The following RNF2 variants were observed in gnomAD, a reference collection of about 807,000 sequenced individuals.
The protein encoded by RNF2 is ring finger protein 2.
In RNF2, 6 loss-of-function variants were observed where a neutral mutation model predicts 37.2. That is an observed-to-expected ratio of 0.16 (90% CI 0.09 to 0.32). The LOEUF (loss-of-function observed/expected upper bound fraction) is 0.32, where lower values mean the gene tolerates loss of function less well. RNF2 is among the 10% of genes least tolerant of loss of function. The pLI is 1.00. For synonymous variants in RNF2, 133 were observed against 132.7 expected, an observed-to-expected ratio of 1.00 and a Z score of -0.02; for missense variants, 251 against 404.0, an observed-to-expected ratio of 0.62 and a Z score of 3.25.
At chr1:185,076,226 CT>C (rs1419024766) in intron 1 of RNF2, among the ~76,000 whole-genome samples, 4 of 105,078 alleles carry the variant, frequency 3.8e-5, no homozygotes. Flanking sequence ...TTGTATCTTG[CT>C]TTTAGGCTGC....
intron 1 of RNF2, among the ~76,000 whole-genome samples, chr1:185,072,599 A>C (rs1571308054): frequency 6.6e-6 from 1 of 152,000 alleles, no homozygotes; most frequent in Non-Finnish European, 1.5e-5. Flanking sequence ...TAGTGGAAGG[A>C]CTCTAAAATG....
intron 1 of RNF2, among the ~76,000 whole-genome samples, chr1:185,058,984 A>G (rs1368341474): frequency 2.0e-5 from 3 of 152,196 alleles, no homozygotes; most frequent in Admixed American, 2.0e-4. Flanking sequence ...TAGATTTATC[A>G]GAGCTATAAA....
chr1:185,090,200 G>A (rs1651728707), intron 2 of RNF2, among the ~76,000 whole-genome samples: 1 of 152,146 alleles, frequency 6.6e-6, no homozygotes, highest in Non-Finnish European at 1.5e-5. Flanking sequence ...AATTACAGGT[G>A]TGAGCCATCG....
At chr1:185,049,670 TAAA>T (rs200612317) in intron 1 of RNF2, among the ~76,000 whole-genome samples, 2 of 124,236 alleles carry the variant, frequency 1.6e-5, no homozygotes. Flanking sequence ...TAGATGAGTG[TAAA>T]AAAAAAAAAG....
chr1:185,096,595 A>G (rs958838737), intron 4 of RNF2, among the ~76,000 whole-genome samples: 1 of 149,782 alleles, frequency 6.7e-6, no homozygotes, highest in African/African-American at 2.5e-5. Flanking sequence ...ACTGTTATTT[A>G]TTTCTCTTTT....
chr1:185,098,000 A>G, intron 4 of RNF2, 72 bp from the exon 5 acceptor site: 1 of 1,530,254 alleles, frequency 6.5e-7, no homozygotes, highest in Non-Finnish European at 8.8e-7. Context: ...TTCAGTAGCA[A>G]ACATGCTTCA....
intron 1 of RNF2, among the ~76,000 whole-genome samples, chr1:185,065,821 C>G (rs1287411377): frequency 6.6e-6 from 1 of 152,216 alleles, no homozygotes; most frequent in Non-Finnish European, 1.5e-5. Context: ...TACAAAGATA[C>G]TGTTTTACTT....
rs755284460 is a variant in RNF2, at chr1:185,101,537, G to GT, written c.*1237dup. 43 of 152,396 alleles carry GT rather than the reference G, an allele frequency of 2.8e-4. No individual in the cohort carries two copies. The highest frequency in any genetic ancestry group is 1.3e-4 in the Admixed American group (2 of 15,254). 9.4% of individuals were successfully genotyped at this position (152,396 alleles called of 1,614,324 possible). On this transcript the variant is annotated 3_prime_UTR_variant, in exon 7 of 7. Transcript: ENST00000367510. ...CAGATCAGAAATAAGATTGACTTGG[G>GT]TGTTATATTTCATCTCTCTCCAGAC...
At chr1:185,073,059 CTTTTT>C (rs5779240) in intron 1 of RNF2, among the ~76,000 whole-genome samples, 2 of 136,972 alleles carry the variant, frequency 1.5e-5, no homozygotes, top group Admixed American at 7.2e-5. Flanking sequence ...CTACGACTTG[CTTTTT>C]TTTTTTTTTT....
chr1:185,059,226 A>AC (rs1650528410), intron 1 of RNF2, among the ~76,000 whole-genome samples: 1 of 100,146 alleles, frequency 1.0e-5, no homozygotes, highest in South Asian at 2.9e-4. Context: ...CCCAGTCTGG[A>AC]TTAAAAAAAA....
At chr1:185,060,971 T>C (rs965086154) in intron 1 of RNF2, among the ~76,000 whole-genome samples, 2 of 151,866 alleles carry the variant, frequency 1.3e-5, no homozygotes, top group Non-Finnish European at 2.9e-5. Context: ...GTTAAAAAAG[T>C]AGCTGAGCGT....
intron 1 of RNF2, among the ~76,000 whole-genome samples, chr1:185,054,214 A>G (rs113970151): frequency 0.01 from 1,592 of 152,350 alleles, 20 homozygotes; most frequent in African/African-American, 0.037. Context: ...ACGGGTTTCA[A>G]TATGCCTTGG....
At chr1:185,070,098 A>G (rs1650922539) in intron 1 of RNF2, among the ~76,000 whole-genome samples, 1 of 152,198 alleles carries the variant, frequency 6.6e-6, no homozygotes, top group South Asian at 2.1e-4. Context: ...TTTACATGTT[A>G]GGGGACTAGG....
chr1:185,082,345 C>CTTTTTTTGTTTTTTTTTT (rs1651443801), intron 1 of RNF2, among the ~76,000 whole-genome samples: 1 of 72,000 alleles, frequency 1.4e-5, no homozygotes, highest in Non-Finnish European at 2.9e-5. Flanking sequence ...CTCTGCAGAA[C>CTTTTTTTGTTTTTTTTTT]TTTTTTTTTT....
At position 185,052,420 on chromosome 1, in the gene RNF2, A is replaced by G. The variant is rs371908213; in HGVS notation, c.-3+6771A>G. ...GAATAAAGTACTGACACATGTTACA[A>G]TGTGGATGAACCTTGAAAATATGCC... is the stretch of plus-strand genomic sequence containing the variant. On this transcript the variant is annotated intron_variant, in intron 1 of 6. Transcript: ENST00000367510. Among the ~76,000 whole-genome samples, 62 of 152,352 alleles carry G rather than the reference A, an allele frequency of 4.1e-4. No individual in the cohort carries two copies. In the South Asian group the frequency reaches 0.013, roughly 31 times the overall value.
chr1:185,060,678 A>T (rs185780560), intron 1 of RNF2, among the ~76,000 whole-genome samples: 226 of 152,340 alleles, frequency 1.5e-3, no homozygotes, highest in African/African-American at 5.3e-3. Context: ...AATAAATTGG[A>T]TGAATCAGTA....
chr1:185,094,135 T>A (rs576341322), intron 4 of RNF2, among the ~76,000 whole-genome samples: 18 of 151,962 alleles, frequency 1.2e-4, no homozygotes, highest in African/African-American at 1.4e-4. Flanking sequence ...GAGTCAGTTT[T>A]TTTTTTTTAT....
In RNF2 at chr1:185,100,628, G is replaced by T; in HGVS notation, c.*327G>T. On this transcript the variant is annotated 3_prime_UTR_variant, in exon 7 of 7. Coordinates refer to ENST00000367510, the MANE Select transcript of RNF2 (RefSeq NM_007212.4). ...TTTCATAGTTTCTGTATTCTTATAA[G>T]ATTCAGTTGGCTGTCCTTTTCCTGC... 1 of 176,080 alleles carries T rather than the reference G, an allele frequency of 5.7e-6. No homozygotes were observed. Among genetic ancestry groups the T allele is most frequent in the East Asian group, 1.4e-4 (1 of 7,178 alleles). 10.9% of individuals were successfully genotyped at this position (176,080 alleles called of 1,614,324 possible). A position where few individuals can be genotyped will look rare whatever the true frequency, so the allele number is the denominator to read the frequency against.
chr1:185,072,947 C>G (rs920409291), intron 1 of RNF2, among the ~76,000 whole-genome samples: 1 of 151,518 alleles, frequency 6.6e-6, no homozygotes, highest in Admixed American at 6.6e-5. Context: ...CTCAAAAAAA[C>G]AAACAAAAAA....
Sources: gnomAD v4.1 joint callset for allele counts (sites outside exome capture counted in the v4.1 genomes callset) on GRCh38, gnomAD v4.1.1 for gene constraint, MANE v1.5 for transcripts, NCBI Gene and HGNC (gene_info 2026-07-23, HGNC 2026-07-21) for gene names.